Variants in FNBP1 observed in about 807,000 individuals in gnomAD.
The protein encoded by FNBP1 is formin-binding protein 1.
Under a neutral mutation model 90.6 loss-of-function variants are expected in FNBP1, and 26 were observed. The observed-to-expected ratio is 0.29, with a 90% CI of 0.21 to 0.40. The LOEUF (loss-of-function observed/expected upper bound fraction) is 0.40. Among genes scored for constraint, FNBP1 ranks in the 10% least tolerant of loss-of-function variants. The pLI, the probability that FNBP1 is intolerant of heterozygous loss-of-function variation, is 1.00. For missense variants in FNBP1, 635 were observed against 768.0 expected (o/e 0.83, Z 2.05); for synonymous variants, 260 against 265.2 (o/e 0.98, Z 0.19).
intron 1 of FNBP1, among the ~76,000 whole-genome samples, chr9:130,021,775 A>G (rs2057852649): frequency 6.6e-6 from 1 of 152,214 alleles, no homozygotes; most frequent in Non-Finnish European, 1.5e-5. Flanking sequence ...CAGCATTTGC[A>G]TTGGCTTTTA....
At chr9:130,000,856 G>GA in intron 1 of FNBP1, among the ~76,000 whole-genome samples, 1 of 152,118 alleles carries the variant, frequency 6.6e-6, no homozygotes. Flanking sequence ...TGGTGTTCAT[G>GA]AAAAAAGCAG....
chr9:129,998,173 G>A lies in FNBP1; in HGVS notation c.25-3215C>T, dbSNP rs564565965. Among the ~76,000 whole-genome samples the A allele has an allele frequency of 1.1e-4, 14 of 122,476 alleles. No homozygotes were observed. The East Asian group carries it at 3.5e-3, about 30-fold the overall frequency. 80.3% of individuals were successfully genotyped at this position (122,476 alleles called of 152,430 possible). The stretch of plus-strand genomic sequence containing the variant: ...ATTGTACCACTGCACTCCAGTCTGG[G>A]CGAAAGACAGAGACTCTGTCTCGAA... On this transcript the variant is annotated intron_variant, in intron 1 of 16. Transcript: ENST00000446176.
In FNBP1 at chr9:129,889,038, C is replaced by T. The variant is rs1296004899; in HGVS notation, c.*1501G>A. The stretch of plus-strand genomic sequence containing the variant: ...GGCCAATGGTTCCTCTTGACTGTTT[C>T]TGCACCAAATGAGAGGAGGGGCTGC... On this transcript the variant is annotated 3_prime_UTR_variant, in exon 17 of 17. Transcript: ENST00000446176. The T allele has an allele frequency of 7.1e-6, 1 of 140,240 alleles. No individual in the cohort carries two copies. Among genetic ancestry groups the T allele is most frequent in the African/African-American group, 3.0e-5 (1 of 33,770 alleles). The allele number at this position is 140,240 out of a possible 1,614,324, so 8.7% of individuals were successfully genotyped here.
chr9:130,014,729 T>C (rs191822917), intron 1 of FNBP1, among the ~76,000 whole-genome samples: 1,854 of 152,274 alleles, frequency 0.012, 23 homozygotes, highest in Middle Eastern at 0.055. Flanking sequence ...ATACTTAAGG[T>C]CACTTGAGCC....
chr9:129,930,575 T>TA (rs1273543475), intron 6 of FNBP1, among the ~76,000 whole-genome samples: 2 of 152,204 alleles, frequency 1.3e-5, no homozygotes, highest in Non-Finnish European at 2.9e-5. Context: ...GCTTTTCTCC[T>TA]AAAAAATCAA....
intron 4 of FNBP1, among the ~76,000 whole-genome samples, chr9:129,978,044 G>A (rs1030944492): frequency 2.7e-5 from 4 of 150,718 alleles, no homozygotes; most frequent in Non-Finnish European, 4.4e-5. Context: ...TTTTTGAGAC[G>A]GAGTCTTGCT....
chr9:130,012,572 A>G (rs142802497), intron 1 of FNBP1, among the ~76,000 whole-genome samples: 98 of 152,308 alleles, frequency 6.4e-4, no homozygotes, highest in Middle Eastern at 3.4e-3. Context: ...TAGGCTATAA[A>G]ACTTTTAGGA....
At chr9:130,052,346 G>C in the FNBP1 span, among the ~76,000 whole-genome samples, 1,526 of 152,248 alleles carry the variant, frequency 0.01, 27 homozygotes, top group African/African-American at 0.035. Context: ...TAAAACTGTT[G>C]TCCAGAAACT....
At chr9:129,929,726 T>TTTATC in intron 6 of FNBP1, 31 bp from the exon 7 acceptor site, 1 of 1,611,774 alleles carries the variant, frequency 6.2e-7, no homozygotes, top group Non-Finnish European at 8.5e-7. Flanking sequence ...ACTCCTACGT[T>TTTATC]TATACACCAT....
chr9:129,976,552 T>C (rs1025666906), intron 4 of FNBP1, among the ~76,000 whole-genome samples: 4 of 152,168 alleles, frequency 2.6e-5, no homozygotes, highest in Admixed American at 6.6e-5. Context: ...AAGAACTAAA[T>C]TGAGACATTT....
chr9:129,944,009 A>AAAAAAAG (rs2044780977), intron 6 of FNBP1, among the ~76,000 whole-genome samples: 1 of 148,832 alleles, frequency 6.7e-6, no homozygotes, highest in African/African-American at 2.5e-5. Flanking sequence ...AAAAAAAAAA[A>AAAAAAAG]CCTGCTATCG....
chr9:129,989,840 C>A (rs2052847598), intron 2 of FNBP1, among the ~76,000 whole-genome samples: 1 of 152,122 alleles, frequency 6.6e-6, no homozygotes, highest in Admixed American at 6.6e-5. Context: ...AAGTTCAAGA[C>A]CAGCATGGGC....
chr9:130,001,110 A>G (rs1413959911), intron 1 of FNBP1, among the ~76,000 whole-genome samples: 1 of 151,880 alleles, frequency 6.6e-6, no homozygotes, highest in Non-Finnish European at 1.5e-5. Context: ...AGGCAGGCGG[A>G]TGACAAGGTC....
Position 129,900,682 on chromosome 9 carries a change from C to A in FNBP1, c.1429-135G>T. ...TCCCAAACTCAGGGGCTACTCTTGG[C>A]CATTTAACCCAATGTGAGGAAGTCC... On this transcript the variant is annotated intron_variant, in intron 13 of 16. Coordinates refer to ENST00000446176, the MANE Select transcript of FNBP1 (RefSeq NM_015033.3). This position sits in a 1 kb window ranked among gnomAD's most constrained non-coding sequence, Gnocchi z 4.1. 1 of 928,806 alleles carries A rather than the reference C, an allele frequency of 1.1e-6. No individual in the cohort carries two copies. Among genetic ancestry groups the A allele is most frequent in the Non-Finnish European group, 1.4e-6 (1 of 696,922 alleles). 57.5% of individuals were successfully genotyped at this position (928,806 alleles called of 1,614,324 possible).
chr9:130,008,652 G>A (rs1424252289), intron 1 of FNBP1, among the ~76,000 whole-genome samples: 2 of 152,140 alleles, frequency 1.3e-5, no homozygotes, highest in African/African-American at 2.4e-5. Context: ...CCTGAAAACG[G>A]AATCTTCTGG....
intron 4 of FNBP1, among the ~76,000 whole-genome samples, chr9:129,973,253 T>C (rs1459598678): frequency 6.6e-6 from 1 of 152,174 alleles, no homozygotes; most frequent in Non-Finnish European, 1.5e-5. Context: ...GGAAGGCGAC[T>C]GAGTCTGGCC....
At chr9:129,997,593 T>C (rs941229250) in intron 1 of FNBP1, among the ~76,000 whole-genome samples, 6 of 152,220 alleles carry the variant, frequency 3.9e-5, no homozygotes, top group African/African-American at 1.4e-4. Flanking sequence ...TACAAATCAT[T>C]CTTACAAATT....
intron 7 of FNBP1, 115 bp from the exon 8 acceptor site, chr9:129,927,456 G>A: frequency 1.1e-6 from 1 of 937,726 alleles, no homozygotes; most frequent in Non-Finnish European, 1.6e-6. Context: ...ATGGGTTAGA[G>A]TTAGAGCGGC....
chr9:130,000,404 T>C (rs2054649778), intron 1 of FNBP1, among the ~76,000 whole-genome samples: 1 of 151,956 alleles, frequency 6.6e-6, no homozygotes, highest in Non-Finnish European at 1.5e-5. Flanking sequence ...GGCAGGAGAA[T>C]TGATTGAACC....
Sources: gnomAD v4.1 joint callset for allele counts (sites outside exome capture counted in the v4.1 genomes callset) on GRCh38, gnomAD v4.1.1 for gene constraint, Gnocchi (gnomAD v3.1) non-coding constraint, MANE v1.5 for transcripts, NCBI Gene and HGNC (gene_info 2026-07-23, HGNC 2026-07-21) for gene names.